Variants in PKLR observed in about 807,000 individuals in gnomAD.
The protein encoded by PKLR is pyruvate kinase L/R.
In PKLR, 38 loss-of-function variants were observed where a neutral mutation model predicts 53.6. That is an observed-to-expected ratio of 0.71 (90% confidence interval 0.55 to 0.93). The LOEUF is 0.93. Among genes scored for constraint, PKLR ranks in the 40% least tolerant of loss-of-function variants. The probability of loss-of-function intolerance (pLI) is 0.00; values close to 1 mark genes in which losing one functional copy is unlikely to be tolerated. For missense variants in PKLR, 702 were observed against 787.3 expected (o/e 0.89, Z 1.30); for synonymous variants, 328 against 316.2 (o/e 1.04, Z -0.39).
At chr1:155,296,729 T>G (rs1342512942) in intron 2 of PKLR, among the ~76,000 whole-genome samples, 1 of 152,082 alleles carries the variant, frequency 6.6e-6, no homozygotes, top group African/African-American at 2.4e-5. Context: ...ATTCTCTTAA[T>G]CTCCTGGTTT....
In PKLR at chr1:155,294,336, C is replaced by A. The variant is rs747097960; in HGVS notation, c.1015G>T (p.Asp339Tyr). ...VSDGIMVARG[D>Y]LGIEIPAEKV... ...TCTGCTGGGATCTCGATGCCTAGGT[C>A]CCCCCGTGCCACCATGATGCCGTCG... is the stretch of plus-strand genomic sequence containing the variant. The change falls in exon 7 of 11, where the codon GAC (aspartate) becomes TAC (tyrosine). Residue 339 changes from aspartate to tyrosine, a missense_variant. Transcript: ENST00000342741. The A allele has an allele frequency of 1.9e-6, 3 of 1,614,002 alleles. No homozygotes were observed. The highest frequency in any genetic ancestry group is 1.7e-5 in the Admixed American group (1 of 59,992).
In PKLR at chr1:155,295,659, C is replaced by T. The variant is rs765267717; in HGVS notation, c.375+6G>A. On this transcript the variant is annotated splice_donor_region_variant and intron_variant, in intron 3 of 10. Transcript: ENST00000342741. The surrounding 1 kb of genome is among the most constrained non-coding windows in gnomAD (Gnocchi z 4.3). ...CCCACCCACTGCCCGGCGGCCCGTCCCGCACCTCGTGGGAGCCGTGGGAGA... is the reference window on the plus strand; with the variant it reads ...CCCACCCACTGCCCGGCGGCCCGTCTCGCACCTCGTGGGAGCCGTGGGAGA... 1.9e-6 allele frequency: 3 copies of T among 1,614,102 alleles called. No individual in the cohort carries two copies. The highest frequency in any genetic ancestry group is 3.3e-5 in the Admixed American group (2 of 60,028).
At position 155,293,703 on chromosome 1, in the gene PKLR, C is replaced by A. The variant is rs1647366157; in HGVS notation, c.1117-113G>T. 3 of 1,038,512 alleles carry A rather than the reference C, an allele frequency of 2.9e-6. No homozygotes were observed. In the South Asian group the frequency reaches 3.9e-5, roughly 14 times the overall value. 64.3% of individuals were successfully genotyped at this position (1,038,512 alleles called of 1,614,324 possible). A position where few individuals can be genotyped will look rare whatever the true frequency, so the allele number is the denominator to read the frequency against. ...CAGAGTGTCCCAAAATCCAGGGTCA[C>A]AGTCACAACCCCTGAAAATAGGAGT... On this transcript the variant is annotated intron_variant, in intron 7 of 10. Coordinates refer to ENST00000342741, the MANE Select transcript of PKLR (RefSeq NM_000298.6). The surrounding 1 kb of genome is among the most constrained non-coding windows in gnomAD (Gnocchi z 4.2).
intron 1 of PKLR, among the ~76,000 whole-genome samples, chr1:155,300,526 A>C (rs1441390984): frequency 6.6e-6 from 1 of 152,162 alleles, no homozygotes; most frequent in African/African-American, 2.4e-5. Flanking sequence ...ACAGCTTCTA[A>C]GTATGGATCA....
At position 155,300,899 on chromosome 1, in the gene PKLR, C is replaced by T. The variant is rs761224118; in HGVS notation, c.100+397G>A. 2.5e-6 allele frequency: 4 copies of T among 1,610,574 alleles called. No individual in the cohort carries two copies. The Admixed American group carries it at 5.0e-5, about 20-fold the overall frequency. Reference sequence around the variant, plus strand: ...GCCGCACCTTCCATGCCACTGCACACCTCTCTGGGTCTCCCTCTCTGTGGG... The same window carrying T: ...GCCGCACCTTCCATGCCACTGCACATCTCTCTGGGTCTCCCTCTCTGTGGG... On this transcript the variant is annotated intron_variant, in intron 1 of 10. Transcript: ENST00000342741.
intron 7 of PKLR, 78 bp downstream of exon 7, chr1:155,294,157 A>C: frequency 1.4e-6 from 2 of 1,480,980 alleles, no homozygotes; most frequent in Non-Finnish European, 1.9e-6. Context: ...AACAAAATAA[A>C]CCCCTACAGT....
chr1:155,293,066 T>G lies in PKLR; in HGVS notation c.1436+111A>C. 1.8e-6 allele frequency: 2 copies of G among 1,113,142 alleles called. No individual in the cohort carries two copies. Among genetic ancestry groups the G allele is most frequent in the Non-Finnish European group, 2.8e-6 (2 of 726,860 alleles). 69.0% of individuals were successfully genotyped at this position (1,113,142 alleles called of 1,614,324 possible). On this transcript the variant is annotated intron_variant, in intron 9 of 10. Coordinates refer to ENST00000342741, the MANE Select transcript of PKLR (RefSeq NM_000298.6). This position sits in a 1 kb window ranked among gnomAD's most constrained non-coding sequence, Gnocchi z 4.2. ...TGTCATTGCTGCCTCTCCTCTTGTC[T>G]CAGGTGGACACTCTTCACCCCTGGT... is the stretch of plus-strand genomic sequence containing the variant.
In PKLR at chr1:155,293,777, G is replaced by T. The variant is rs896779389; in HGVS notation, c.1117-187C>A. Among the ~76,000 whole-genome samples, 1 of 152,108 alleles carries T rather than the reference G, an allele frequency of 6.6e-6. No homozygotes were observed. The highest frequency in any genetic ancestry group is 1.5e-5 in the Non-Finnish European group (1 of 68,028). ...TTGGTCACAACCCCTGAAAATAGGG[G>T]TCAAAGTATATTTAACTTTGTCGTT... On this transcript the variant is annotated intron_variant, in intron 7 of 10. Coordinates refer to ENST00000342741, the MANE Select transcript of PKLR (RefSeq NM_000298.6). The surrounding 1 kb of genome is among the most constrained non-coding windows in gnomAD (Gnocchi z 4.2).
chr1:155,294,476 C>G lies in PKLR; in HGVS notation c.965+6G>C, dbSNP rs776545583. ...GGGCCGAAGGGGAACAGAGCCCAAG[C>G]CTCACCTCTTCACGCCTTCGTGGTT... is the stretch of plus-strand genomic sequence containing the variant. On this transcript the variant is annotated splice_donor_region_variant and intron_variant, in intron 6 of 10. Transcript: ENST00000342741. The G allele has an allele frequency of 6.2e-7, 1 of 1,614,112 alleles. No homozygotes were observed. The highest frequency in any genetic ancestry group is 1.3e-5 in the African/African-American group (1 of 74,936).
chr1:155,306,553 A>C, the PKLR span, among the ~76,000 whole-genome samples: 1 of 152,226 alleles, frequency 6.6e-6, no homozygotes, highest in African/African-American at 2.4e-5. The surrounding 1 kb of genome is among the most constrained non-coding windows in gnomAD (Gnocchi z 4.2). Context: ...GAGTGAGGGC[A>C]GAAGGAGGTC....
the PKLR span, chr1:155,308,485 C>T: frequency 2.4e-5 from 20 of 843,036 alleles, no homozygotes; most frequent in South Asian, 5.4e-5. Flanking sequence ...GGATCAGAGA[C>T]GTTAAATGAT....
At chr1:155,299,491 C>CTT (rs35869567) in intron 2 of PKLR, among the ~76,000 whole-genome samples, 489 of 42,756 alleles carry the variant, frequency 0.011, 70 homozygotes, top group African/African-American at 0.047. Flanking sequence ...GCCCAGCCCA[C>CTT]TTTTTTTTTT....
At chr1:155,301,759 A>G (rs993685155), upstream of PKLR, among the ~76,000 whole-genome samples, 2 of 152,248 alleles carry the variant, frequency 1.3e-5, no homozygotes, top group East Asian at 3.9e-4. Context: ...GAAAGACAAA[A>G]GGGATCACTG....
At chr1:155,301,576 C>A, upstream of PKLR, 1 of 681,000 alleles carries the variant, frequency 1.5e-6, no homozygotes, top group Non-Finnish European at 2.6e-6. Context: ...CTGGCATTTC[C>A]TCTCATCCTT....
At chr1:155,300,507 C>A (rs924075138) in intron 1 of PKLR, among the ~76,000 whole-genome samples, 13 of 152,042 alleles carry the variant, frequency 8.6e-5, no homozygotes, top group Non-Finnish European at 1.3e-4. Context: ...ATAAATGGTC[C>A]AATATTATAC....
chr1:155,307,036 T>A, the PKLR span, among the ~76,000 whole-genome samples: 1 of 152,236 alleles, frequency 6.6e-6, no homozygotes, highest in East Asian at 1.9e-4. Context: ...TGCCTCAGCT[T>A]CTCGAGTAGC....
chr1:155,308,228 AT>A, the PKLR span, among the ~76,000 whole-genome samples: 94 of 143,608 alleles, frequency 6.5e-4, no homozygotes, highest in Admixed American at 9.8e-4. Context: ...CGCCCGACTA[AT>A]TTTTTTTTTT....
In PKLR at chr1:155,291,891, C is replaced by A; in HGVS notation, c.1483G>T (p.Ala495Ser). Residue 495 changes from alanine (A) to serine (S), a missense_variant, in exon 10 of 11, where the codon GCT becomes TCT. This residue lies in a region of PKLR where 183 missense variants were observed against 250.2 expected (regional missense o/e 0.73). Transcript: ENST00000342741. ...GCAGCCTGGGCAGAGCGGGTGACAG[C>A]AATGACTGCTGCCCGAGGTCGGTAC... ...SRYRPRAAVIAVTRSAQAARQ... is the reference protein window; with the variant it reads ...SRYRPRAAVISVTRSAQAARQ... The A allele has an allele frequency of 6.2e-7, 1 of 1,613,886 alleles. No homozygotes were observed. The highest frequency in any genetic ancestry group is 8.5e-7 in the Non-Finnish European group (1 of 1,180,016).
rs971108133 is a variant in PKLR, at chr1:155,293,031, G to A, written c.1436+146C>T. 4.8e-6 allele frequency: 4 copies of A among 841,308 alleles called. No homozygotes were observed. Among genetic ancestry groups the A allele is most frequent in the Admixed American group, 2.0e-5 (1 of 51,274 alleles). The allele number at this position is 841,308 out of a possible 1,614,324, so 52.1% of individuals were successfully genotyped here. A position where few individuals can be genotyped will look rare whatever the true frequency, so the allele number is the denominator to read the frequency against. On this transcript the variant is annotated intron_variant, in intron 9 of 10. Transcript: ENST00000342741. This position sits in a 1 kb window ranked among gnomAD's most constrained non-coding sequence, Gnocchi z 4.2. ...AGCTCACTGGCATTCTGTCTCTCCT[G>A]GCCTCCAGCTGTCATTGCTGCCTCT... is the stretch of plus-strand genomic sequence containing the variant.
Sources: allele counts gnomAD v4.1 joint callset (sites outside exome capture counted in the v4.1 genomes callset), GRCh38; gene constraint gnomAD v4.1.1; regional missense constraint gnomAD v4.1.1; non-coding constraint Gnocchi (gnomAD v3.1); transcripts MANE v1.5; gene names NCBI Gene and HGNC (gene_info 2026-07-23, HGNC 2026-07-21).